The following ESYT2 variants were observed in gnomAD, a reference collection of about 807,000 sequenced individuals.
The protein encoded by ESYT2 is extended synaptotagmin-2.
ESYT2 carries 54 observed loss-of-function variants against 107.2 expected under a neutral mutation model. That is an observed-to-expected ratio of 0.50 (90% CI 0.40 to 0.63). ESYT2 has a LOEUF of 0.63. Among genes scored for constraint, ESYT2 ranks in the 30% least tolerant of loss-of-function variants. ESYT2 has a pLI of 0.00. For synonymous variants in ESYT2, 491 were observed against 434.1 expected, an observed-to-expected ratio of 1.13 and a Z score of -1.63; for missense variants, 1,020 against 1,094.5, an observed-to-expected ratio of 0.93 and a Z score of 0.96.
At chr7:158,784,440 C>T (rs772823177) in intron 6 of ESYT2, among the ~76,000 whole-genome samples, 17 of 152,220 alleles carry the variant, frequency 1.1e-4, no homozygotes, top group Non-Finnish European at 2.2e-4. Context: ...AATCCCAGTA[C>T]TCTGGGAGGC....
chr7:158,762,021 C>T (rs1051492529), intron 10 of ESYT2, among the ~76,000 whole-genome samples: 4 of 152,094 alleles, frequency 2.6e-5, no homozygotes, highest in Non-Finnish European at 4.4e-5. Context: ...CTCACGTTCC[C>T]CCACCCTTGC....
At chr7:158,827,381 G>A (rs931208904) in intron 1 of ESYT2, among the ~76,000 whole-genome samples, 1 of 152,040 alleles carries the variant, frequency 6.6e-6, no homozygotes, top group South Asian at 2.1e-4. Context: ...ATGCATCTTA[G>A]TGTAATATAG....
intron 13 of ESYT2, among the ~76,000 whole-genome samples, chr7:158,755,863 G>C (rs900128905): frequency 6.6e-6 from 1 of 151,982 alleles, no homozygotes; most frequent in African/African-American, 2.4e-5. Flanking sequence ...ACTAGGGGCC[G>C]TCAGGGGGTA....
At position 158,829,075 on chromosome 7, in the gene ESYT2, G is replaced by C. The variant is rs1840550080; in HGVS notation, c.330+14C>G. 3 of 1,580,534 alleles carry C rather than the reference G, an allele frequency of 1.9e-6. No homozygotes were observed. Among genetic ancestry groups the C allele is most frequent in the Non-Finnish European group, 1.7e-6 (2 of 1,172,778 alleles). On this transcript the variant is annotated intron_variant, in intron 1 of 22. Coordinates refer to ENST00000275418, the MANE Select transcript of ESYT2 (RefSeq NM_001367773.1). Reference sequence around the variant, plus strand: ...GGTGGTCAGGGGTCGGGACGGGCAGGGGTCTGCACTCACCCAGGCGGGCAG... The same window carrying C: ...GGTGGTCAGGGGTCGGGACGGGCAGCGGTCTGCACTCACCCAGGCGGGCAG...
At chr7:158,748,562 C>A (rs1201424) in intron 15 of ESYT2, among the ~76,000 whole-genome samples, 95,745 of 151,572 alleles carry the variant, frequency 0.63, 33,033 homozygotes, top group Non-Finnish European at 0.78. Flanking sequence ...GCTTCGTGTG[C>A]GTGGCCTGGC....
In ESYT2 at chr7:158,734,470, A is replaced by G; in HGVS notation, c.2507T>C (p.Val836Ala). 1 of 1,613,314 alleles carries G rather than the reference A, an allele frequency of 6.2e-7. No individual in the cohort carries two copies. Among genetic ancestry groups the G allele is most frequent in the Non-Finnish European group, 8.5e-7 (1 of 1,179,678 alleles). Residue 836 changes from valine (V) to alanine (A), a missense_variant and splice_region_variant, in exon 22 of 23, where the codon GTA (valine) becomes GCA (alanine). Transcript: ENST00000275418. ...TTCTTCAGATGCCAGAGCAACCAAT[A>G]CCTGTGGGTTGTTAAAAAAGCAGTT... ...LSKDKGLLGK[V>A]LVALASEELA... is the part of the protein sequence containing the mutation.
intron 6 of ESYT2, among the ~76,000 whole-genome samples, chr7:158,778,337 G>A (rs1437741278): frequency 6.6e-6 from 1 of 151,996 alleles, no homozygotes; most frequent in African/African-American, 2.4e-5. Flanking sequence ...GTGAGACAAG[G>A]ACTGACTTTA....
chr7:158,829,171 C>A lies in ESYT2; in HGVS notation c.248G>T (p.Arg83Leu). 2 of 1,547,796 alleles carry A rather than the reference C, an allele frequency of 1.3e-6. No individual in the cohort carries two copies. Among genetic ancestry groups the A allele is most frequent in the Non-Finnish European group, 1.7e-6 (2 of 1,155,460 alleles). ...CRRSRGLKAL[R>L]LCRALALLED... is the part of the protein sequence containing the mutation. ...CAGCAGCGCCAGCGCGCGGCACAGG[C>A]GCAGGGCCTTGAGGCCGCGGCTGCG... Residue 83 changes from arginine (R) to leucine (L), a missense_variant, in exon 1 of 23, where the codon CGC (arginine) becomes CTC (leucine). Physicochemically the swap from Arg to Leu is moderately radical, Grantham distance 102. Coordinates refer to ENST00000275418, the MANE Select transcript of ESYT2 (RefSeq NM_001367773.1).
At chr7:158,792,654 T>G (rs1839337565) in intron 4 of ESYT2, among the ~76,000 whole-genome samples, 2 of 151,542 alleles carry the variant, frequency 1.3e-5, no homozygotes, top group South Asian at 4.2e-4. Flanking sequence ...CTGCTCCAAC[T>G]AGAACTCACA....
chr7:158,780,528 C>CTT (rs1367563039), intron 6 of ESYT2, among the ~76,000 whole-genome samples: 3 of 152,170 alleles, frequency 2.0e-5, no homozygotes, highest in Non-Finnish European at 4.4e-5. Flanking sequence ...TTCAGAAAAA[C>CTT]ATTACTTTGT....
In ESYT2 at chr7:158,794,153, A is replaced by G. The variant is rs141870555; in HGVS notation, c.508-427T>C. 2.1e-3 allele frequency among the ~76,000 whole-genome samples: 313 copies of G among 152,364 alleles called. 4 individuals are homozygous for G. Among genetic ancestry groups the G allele is most frequent in the Admixed American group, 0.013 (200 of 15,308 alleles). On this transcript the variant is annotated intron_variant, in intron 3 of 22. Transcript: ENST00000275418. ...CCATCCTTACTACCATGTTTGAAACATAACTTCCTTTCATTTATTCTTTAT... is the reference window on the plus strand; with the variant it reads ...CCATCCTTACTACCATGTTTGAAACGTAACTTCCTTTCATTTATTCTTTAT...
chr7:158,758,410 A>G (rs944001035), intron 13 of ESYT2, among the ~76,000 whole-genome samples: 3 of 152,220 alleles, frequency 2.0e-5, no homozygotes, highest in African/African-American at 7.2e-5. Context: ...GCAAGACTAC[A>G]GGGGATCGAG....
intron 6 of ESYT2, among the ~76,000 whole-genome samples, chr7:158,784,571 G>A (rs149284978): frequency 2.5e-4 from 38 of 152,358 alleles, no homozygotes; most frequent in Non-Finnish European, 4.3e-4. Flanking sequence ...AGAGGAAAGC[G>A]AGCAGAGGTG....
At chr7:158,771,936 T>A (rs1210374672) in intron 7 of ESYT2, among the ~76,000 whole-genome samples, 1 of 152,030 alleles carries the variant, frequency 6.6e-6, no homozygotes, top group Non-Finnish European at 1.5e-5. Context: ...CTGGCCAACA[T>A]GGCGAAACCC....
At chr7:158,792,771 T>G (rs546544578) in intron 4 of ESYT2, among the ~76,000 whole-genome samples, 2 of 142,522 alleles carry the variant, frequency 1.4e-5, no homozygotes, top group Non-Finnish European at 3.1e-5. Flanking sequence ...GGGGTTTTTT[T>G]TTTTTTTTTT....
chr7:158,737,938 A>C (rs570434600), intron 19 of ESYT2, among the ~76,000 whole-genome samples: 2 of 152,250 alleles, frequency 1.3e-5, no homozygotes, highest in African/African-American at 4.8e-5. Context: ...ACCTGACTTT[A>C]TACTTATTAA....
Position 158,741,855 on chromosome 7 carries a change from TTGG to T in ESYT2, c.1833_1835del (p.His611del). ...AGGGACGTTTGACTTGAGCTGAGTG[TTGG>T]TGGTCTGGAGGCCTTTCTCGCTTTT... On this transcript the variant is annotated inframe_deletion, in exon 18 of 23. Transcript: ENST00000275418. 1 of 1,613,100 alleles carries T rather than the reference TTGG, an allele frequency of 6.2e-7. No individual in the cohort carries two copies. Among genetic ancestry groups the T allele is most frequent in the Non-Finnish European group, 8.5e-7 (1 of 1,179,604 alleles).
intron 19 of ESYT2, among the ~76,000 whole-genome samples, chr7:158,738,057 T>C (rs1837030052): frequency 6.6e-6 from 1 of 151,942 alleles, no homozygotes; most frequent in African/African-American, 2.4e-5. Flanking sequence ...AGCGTCTCCA[T>C]AAAAAAATTA....
At chr7:158,750,300 T>C (rs1331702128) in intron 14 of ESYT2, among the ~76,000 whole-genome samples, 1 of 152,028 alleles carries the variant, frequency 6.6e-6, no homozygotes, top group Admixed American at 6.6e-5. Context: ...TAAGCAGATA[T>C]AAATATGAAG....
Sources: allele counts gnomAD v4.1 joint callset (sites outside exome capture counted in the v4.1 genomes callset), GRCh38; gene constraint gnomAD v4.1.1; transcripts MANE v1.5; gene names NCBI Gene and HGNC (gene_info 2026-07-23, HGNC 2026-07-21).